The following PRSS3 variants were observed in gnomAD, a reference collection of about 807,000 sequenced individuals.
The protein encoded by PRSS3 is serine protease 3.
Under a neutral mutation model 20.8 loss-of-function variants are expected in PRSS3, and 14 were observed. The ratio of observed to expected loss-of-function variants is 0.67; its 90% CI spans 0.44 to 1.05. The LOEUF is 1.05. Ranked by LOEUF, PRSS3 falls within the 50% of genes least tolerant of loss-of-function variation. The pLI, the probability that PRSS3 is intolerant of heterozygous loss-of-function variation, is 0.00. For missense variants in PRSS3, 237 were observed against 306.4 expected, an observed-to-expected ratio of 0.77 and a Z score of 1.69; for synonymous variants, 91 against 117.6, an observed-to-expected ratio of 0.77 and a Z score of 1.46.
upstream of PRSS3, among the ~76,000 whole-genome samples, chr9:33,795,316 C>T (rs1824855957): frequency 1.3e-5 from 2 of 152,238 alleles, no homozygotes; most frequent in Non-Finnish European, 2.9e-5. Context: ...CTGTCTTCCC[C>T]ATCCCAGCAT....
chr9:33,764,438 C>T (rs2380852), intron 1 of PRSS3, among the ~76,000 whole-genome samples: 5 of 152,150 alleles, frequency 3.3e-5, no homozygotes, highest in Admixed American at 6.5e-5. Context: ...GAGGCTGAGG[C>T]GGGAGAATCG....
In PRSS3 at chr9:33,797,870, T is replaced by G. The variant is rs745554906; in HGVS notation, c.242T>G (p.Leu81Arg). 1 of 1,614,258 alleles carries G rather than the reference T, an allele frequency of 6.2e-7. No individual in the cohort carries two copies. The highest frequency in any genetic ancestry group is 1.1e-5 in the South Asian group (1 of 91,088). The change falls in exon 3 of 5, where the codon CTG (leucine) becomes CGG (arginine). Residue 81 changes from leucine (L) to arginine (R), a missense_variant. By Grantham distance (102) the Leu-to-Arg change is moderately radical. Transcript: ENST00000379405. Reference protein sequence around the residue: ...VRLGEHNIKVLEGNEQFINAA... With the variant: ...VRLGEHNIKVREGNEQFINAA... ...CTGGGAGAGCACAACATCAAAGTCC[T>G]GGAGGGGAATGAGCAGTTCATCAAT...
chr9:33,791,415 T>C (rs1340471831), upstream of PRSS3, among the ~76,000 whole-genome samples: 3 of 152,346 alleles, frequency 2.0e-5, no homozygotes, highest in South Asian at 6.2e-4. Flanking sequence ...GCCTTCCAAA[T>C]GGATGACACA....
rs780881790 is a variant in PRSS3, at chr9:33,799,197, G to A, written c.*17G>A. The A allele has an allele frequency of 1.6e-5, 26 of 1,613,582 alleles. No individual in the cohort carries two copies. Among genetic ancestry groups the A allele is most frequent in the Non-Finnish European group, 2.0e-5 (24 of 1,179,792 alleles). On this transcript the variant is annotated 3_prime_UTR_variant, in exon 5 of 5. Transcript: ENST00000379405. ...AACAGCTAAAGCCCCCGGTCCCTCT[G>A]CAGTCTCTATACCAATAAAGTGGCC... is the stretch of plus-strand genomic sequence containing the variant.
intron 1 of PRSS3, among the ~76,000 whole-genome samples, chr9:33,780,270 T>G (rs1824127521): frequency 6.6e-6 from 1 of 152,206 alleles, no homozygotes; most frequent in South Asian, 2.1e-4. Context: ...ATTTTCAGCA[T>G]CCTGAAAAAA....
At chr9:33,766,925 AAAGG>A (rs984741703) in intron 1 of PRSS3, among the ~76,000 whole-genome samples, 46 of 152,056 alleles carry the variant, frequency 3.0e-4, no homozygotes, top group African/African-American at 1.1e-3. Context: ...AAACACCTTA[AAAGG>A]ATAAATTTTA....
upstream of PRSS3, among the ~76,000 whole-genome samples, chr9:33,792,757 T>A (rs905674491): frequency 6.6e-6 from 1 of 152,180 alleles, no homozygotes; most frequent in Non-Finnish European, 1.5e-5. Context: ...GAAGAAAAAA[T>A]TCTTAACTTA....
intron 1 of PRSS3, among the ~76,000 whole-genome samples, chr9:33,769,187 G>A (rs775307453): frequency 6.6e-6 from 1 of 152,152 alleles, no homozygotes; most frequent in Non-Finnish European, 1.5e-5. Flanking sequence ...AATATGAAAG[G>A]AGAGAGATAA....
At chr9:33,797,453 C>T (rs1486806955) in intron 2 of PRSS3, among the ~76,000 whole-genome samples, 2 of 152,256 alleles carry the variant, frequency 1.3e-5, no homozygotes, top group East Asian at 3.8e-4. Context: ...GAGGGAGGAA[C>T]AGGCGCTGTG....
At chr9:33,758,616 T>A (rs1376681307) in intron 1 of PRSS3, among the ~76,000 whole-genome samples, 1 of 152,244 alleles carries the variant, frequency 6.6e-6, no homozygotes, top group Non-Finnish European at 1.5e-5. Flanking sequence ...CAGGTGAAAT[T>A]GATACTCCAG....
intron 1 of PRSS3, among the ~76,000 whole-genome samples, chr9:33,763,087 A>G (rs1289992276): frequency 1.3e-5 from 2 of 152,224 alleles, no homozygotes; most frequent in Non-Finnish European, 2.9e-5. Context: ...CTGACACTAC[A>G]TAGTTCATAT....
chr9:33,762,498 A>G (rs1272104780), intron 1 of PRSS3, among the ~76,000 whole-genome samples: 1 of 152,208 alleles, frequency 6.6e-6, no homozygotes, highest in Admixed American at 6.5e-5. Flanking sequence ...CAGCTCATAG[A>G]ACACGAAGAG....
intron 1 of PRSS3, among the ~76,000 whole-genome samples, chr9:33,785,714 CAAG>C (rs1824375261): frequency 6.6e-6 from 1 of 152,016 alleles, no homozygotes; most frequent in Admixed American, 6.6e-5. Context: ...GCCTAACGTG[CAAG>C]AAGAACAAGG....
At chr9:33,784,678 G>C (rs1824314250) in intron 1 of PRSS3, among the ~76,000 whole-genome samples, 2 of 152,194 alleles carry the variant, frequency 1.3e-5, no homozygotes, top group South Asian at 2.1e-4. Context: ...TCGTATAATA[G>C]AGAGAATCTC....
chr9:33,789,520 T>C (rs1240651501), intron 1 of PRSS3, among the ~76,000 whole-genome samples: 1 of 152,218 alleles, frequency 6.6e-6, no homozygotes. Context: ...TTTCACTAAC[T>C]GTGTATCTCT....
Position 33,785,401 on chromosome 9 carries a change from T to A in PRSS3, c.-52-9345T>A, listed in dbSNP as rs139654124. 8.1e-3 allele frequency among the ~76,000 whole-genome samples: 1,223 copies of A among 151,570 alleles called. 13 individuals carry two copies. The highest frequency in any genetic ancestry group is 0.027 in the African/African-American group (1,125 of 41,234). ...ACCGTTTTAGCCGGGATGGTCTCGA[T>A]CTCCTGACCTCGTGATCCGCCCGCC... On this transcript the variant is annotated intron_variant, in intron 1 of 5. Transcript: ENST00000342836.
At chr9:33,790,902 A>G (rs372261375), upstream of PRSS3, among the ~76,000 whole-genome samples, 1 of 152,246 alleles carries the variant, frequency 6.6e-6, no homozygotes, top group African/African-American at 2.4e-5. Context: ...TCCCTGGAGG[A>G]AAACTCTACA....
chr9:33,759,965 T>C (rs1452166378), intron 1 of PRSS3, among the ~76,000 whole-genome samples: 7 of 152,196 alleles, frequency 4.6e-5, no homozygotes, highest in Admixed American at 6.5e-5. Context: ...GTCTGTAAGC[T>C]TGAGCACTTT....
intron 1 of PRSS3, among the ~76,000 whole-genome samples, chr9:33,784,004 G>T (rs12006482): frequency 0.056 from 8,515 of 152,002 alleles, 809 homozygotes; most frequent in African/African-American, 0.19. Context: ...CTCTGGAGAG[G>T]GAACTTATTT....
Sources: allele counts gnomAD v4.1 joint callset (sites outside exome capture counted in the v4.1 genomes callset), GRCh38; gene constraint gnomAD v4.1.1; transcripts MANE v1.5; gene names NCBI Gene and HGNC (gene_info 2026-07-23, HGNC 2026-07-21).